The following LDLRAD4 variants were observed in gnomAD, a reference collection of about 807,000 sequenced individuals.
LDLRAD4 encodes low-density lipoprotein receptor class A domain-containing protein 4.
In LDLRAD4, 5 loss-of-function variants were observed where a neutral mutation model predicts 17.0. The ratio of observed to expected loss-of-function variants is 0.29; its 90% CI spans 0.15 to 0.62. The LOEUF (loss-of-function observed/expected upper bound fraction) is 0.62, where lower values mean the gene tolerates loss of function less well. Ranked by LOEUF, LDLRAD4 falls within the 20% of genes least tolerant of loss-of-function variation. LDLRAD4 has a pLI of 0.84. For synonymous variants in LDLRAD4, 168 were observed against 171.8 expected (o/e 0.98, Z 0.17); for missense variants, 340 against 424.7 (o/e 0.80, Z 1.75).
At chr18:13,632,623 G>C (rs770067967) in intron 4 of LDLRAD4, among the ~76,000 whole-genome samples, 26 of 152,178 alleles carry the variant, frequency 1.7e-4, no homozygotes, top group Non-Finnish European at 3.5e-4. Context: ...CTGCCCTAAG[G>C]GTCACAGCTC....
rs560755396 is a variant in LDLRAD4 at position 13,398,248 on chromosome 18, G to A, written c.40+10486G>A. Among the ~76,000 whole-genome samples, 16 of 152,264 alleles carry A rather than the reference G, an allele frequency of 1.1e-4. No individual in the cohort carries two copies. Among genetic ancestry groups the A allele is most frequent in the African/African-American group, 3.9e-4 (16 of 41,546 alleles). ...GATGGGGTTGTCTGTGTTCTAAGTT[G>A]GAAAATACAAACTTTTCCATGTGTA... On this transcript the variant is annotated intron_variant, in intron 2 of 5. Transcript: ENST00000359446. This position sits in a 1 kb window ranked among gnomAD's most constrained non-coding sequence, Gnocchi z 4.8.
intron 4 of LDLRAD4, among the ~76,000 whole-genome samples, chr18:13,628,195 C>T (rs1034634743): frequency 7.9e-5 from 12 of 152,150 alleles, no homozygotes; most frequent in African/African-American, 2.4e-4. Context: ...ATGTGGAAAA[C>T]GATGGAAAGG....
At chr18:13,457,153 T>C (rs561269261) in intron 3 of LDLRAD4, among the ~76,000 whole-genome samples, 4 of 152,334 alleles carry the variant, frequency 2.6e-5, no homozygotes, top group Non-Finnish European at 5.9e-5. Context: ...AGTCCAGGCC[T>C]CAGGAATTTC....
chr18:13,299,807 C>T (rs1226851459), intron 1 of LDLRAD4, among the ~76,000 whole-genome samples: 3 of 152,102 alleles, frequency 2.0e-5, no homozygotes, highest in African/African-American at 7.2e-5. Flanking sequence ...ATGCCACTTA[C>T]CCTCCAGCCT....
chr18:13,592,189 C>A (rs2095038333), intron 3 of LDLRAD4, among the ~76,000 whole-genome samples: 1 of 152,222 alleles, frequency 6.6e-6, no homozygotes, highest in Non-Finnish European at 1.5e-5. Flanking sequence ...ATTTGAATAG[C>A]TGGTTACTTT....
intron 1 of LDLRAD4, among the ~76,000 whole-genome samples, chr18:13,351,115 T>C (rs1456359284): frequency 6.6e-6 from 1 of 152,216 alleles, no homozygotes; most frequent in Admixed American, 6.5e-5. Flanking sequence ...CTATATAGGA[T>C]CTTTTTTGGT....
At chr18:13,424,370 C>G (rs547563988) in intron 2 of LDLRAD4, among the ~76,000 whole-genome samples, 105 of 152,256 alleles carry the variant, frequency 6.9e-4, no homozygotes, top group Middle Eastern at 3.4e-3. Context: ...ACGTCTGTGA[C>G]AGGAGCACAG....
intron 1 of LDLRAD4, among the ~76,000 whole-genome samples, chr18:13,346,997 C>A (rs994101658): frequency 6.6e-6 from 1 of 152,334 alleles, no homozygotes; most frequent in Admixed American, 6.5e-5. Flanking sequence ...CTGAATACAG[C>A]ACACTGATGG....
At chr18:13,446,127 G>A (rs191318405) in intron 3 of LDLRAD4, among the ~76,000 whole-genome samples, 1 of 152,138 alleles carries the variant, frequency 6.6e-6, no homozygotes, top group Non-Finnish European at 1.5e-5. Context: ...GCTGCTGTTT[G>A]CCGAGTGCTC....
chr18:13,525,974 T>G (rs954796585), intron 3 of LDLRAD4: 5 of 152,330 alleles, frequency 3.3e-5, no homozygotes, highest in African/African-American at 1.2e-4. Context: ...TTAGAGCAGC[T>G]TTTTCTATTT....
intron 2 of LDLRAD4, among the ~76,000 whole-genome samples, chr18:13,432,342 C>T (rs12458775): frequency 0.32 from 48,927 of 152,176 alleles, 9,745 homozygotes; most frequent in Non-Finnish European, 0.45. Context: ...TTTATGGAAT[C>T]GAATATTTCA....
chr18:13,592,541 G>A (rs1310125094), intron 3 of LDLRAD4, among the ~76,000 whole-genome samples: 1 of 152,168 alleles, frequency 6.6e-6, no homozygotes, highest in East Asian at 1.9e-4. Flanking sequence ...GATCTGTGTA[G>A]GCCAAAGAAT....
intron 1 of LDLRAD4, among the ~76,000 whole-genome samples, chr18:13,313,223 G>A (rs2080745597): frequency 6.6e-6 from 1 of 152,186 alleles, no homozygotes; most frequent in Non-Finnish European, 1.5e-5. Context: ...GTCCTTATTT[G>A]CAGAGTCCTA....
exon 5 of LDLRAD4, chr18:13,643,385 CGCCGCACCGCGGCTG>C: frequency 7.3e-7 from 1 of 1,378,956 alleles, no homozygotes; most frequent in Non-Finnish European, 9.5e-7. Flanking sequence ...CTTCAGACAG[CGCCGCACCGCGGCTG>C]GGCGCCTCGG....
chr18:13,239,556 T>A (rs1290273216), intron 1 of LDLRAD4: 1 of 152,270 alleles, frequency 6.6e-6, no homozygotes, highest in Middle Eastern at 3.2e-3. Context: ...GATCATACAG[T>A]CTTAGAGCAA....
chr18:13,367,229 A>G lies in LDLRAD4; in HGVS notation c.-382-20112A>G, dbSNP rs2144760073. ...ACAACCAGTGGAGGTGGAACTTGGA[A>G]TCTTTGAAATAAACTCCTCAGATGA... On this transcript the variant is annotated intron_variant, in intron 1 of 5. Transcript: ENST00000359446. The surrounding 1 kb of genome is among the most constrained non-coding windows in gnomAD (Gnocchi z 4.1). Among the ~76,000 whole-genome samples the G allele has an allele frequency of 6.6e-6, 1 of 152,224 alleles. No homozygotes were observed. Among genetic ancestry groups the G allele is most frequent in the African/African-American group, 2.4e-5 (1 of 41,512 alleles).
At chr18:13,567,482 C>G (rs951883879) in intron 3 of LDLRAD4, among the ~76,000 whole-genome samples, 4 of 152,180 alleles carry the variant, frequency 2.6e-5, no homozygotes, top group Admixed American at 2.6e-4. Context: ...AGGAGTTACG[C>G]TTTTGCAGAA....
intron 1 of LDLRAD4, among the ~76,000 whole-genome samples, chr18:13,357,538 A>T (rs1312568142): frequency 6.6e-6 from 1 of 152,142 alleles, no homozygotes; most frequent in Non-Finnish European, 1.5e-5. Flanking sequence ...TATCCTCTGT[A>T]TTTCCTATAT....
chr18:13,569,332 A>T (rs1414443843), intron 3 of LDLRAD4, among the ~76,000 whole-genome samples: 1 of 152,228 alleles, frequency 6.6e-6, no homozygotes, highest in Non-Finnish European at 1.5e-5. Flanking sequence ...TATCTGGGGA[A>T]TAAAACACTC....
Sources: gnomAD v4.1 joint callset for allele counts (sites outside exome capture counted in the v4.1 genomes callset) on GRCh38, gnomAD v4.1.1 for gene constraint, Gnocchi (gnomAD v3.1) non-coding constraint, MANE v1.5 for transcripts, NCBI Gene and HGNC (gene_info 2026-07-23, HGNC 2026-07-21) for gene names.